Variants in SNRNP200 observed in about 807,000 individuals in gnomAD.
SNRNP200 encodes the protein U5 small nuclear ribonucleoprotein 200 kDa helicase.
In SNRNP200, 66 loss-of-function variants were observed where a neutral mutation model predicts 255.2. The ratio of observed to expected loss-of-function variants is 0.26; its 90% CI spans 0.21 to 0.32. SNRNP200 has a LOEUF of 0.32. Among genes scored for constraint, SNRNP200 ranks in the 10% least tolerant of loss-of-function variants. The pLI is 1.00. For synonymous variants in SNRNP200, 939 were observed against 1,027.8 expected, an observed-to-expected ratio of 0.91 and a Z score of 1.65; for missense variants, 1,585 against 2,749.8, an observed-to-expected ratio of 0.58 and a Z score of 9.47.
chr2:96,288,949 T>C (rs190640435), intron 23 of SNRNP200, 88 bp downstream of exon 23: 12 of 1,312,388 alleles, frequency 9.1e-6, no homozygotes, highest in Admixed American at 2.0e-5. Context: ...AAACCACACA[T>C]GAACCCAAAT....
Position 96,301,675 on chromosome 2 carries a change from A to G in SNRNP200, c.423T>C (p.Ala141=), listed in dbSNP as rs140702204. ...ILCGAADEVL[A]VLKNEKLRDK... Reference sequence around the variant, plus strand: ...CCCGCAGCTTTTCATTCTTTAGAACAGCTAGAACTTCATCAGCTGCCCCAC... The same window carrying G: ...CCCGCAGCTTTTCATTCTTTAGAACGGCTAGAACTTCATCAGCTGCCCCAC... Residue 141 remains alanine (A), a synonymous_variant, in exon 4 of 45, where the codon GCT becomes GCC. Coordinates refer to ENST00000323853, the MANE Select transcript of SNRNP200 (RefSeq NM_014014.5). 161 of 1,614,082 alleles carry G rather than the reference A, an allele frequency of 1.0e-4. 1 individual carries two copies. Among genetic ancestry groups the G allele is most frequent in the Non-Finnish European group, 8.1e-5 (96 of 1,180,050 alleles).
Position 96,295,612 on chromosome 2 carries a change from T to C in SNRNP200, c.1718A>G (p.His573Arg). ...GITVAELTGDHQLCKEEISAT... is the reference protein window; with the variant it reads ...GITVAELTGDRQLCKEEISAT... ...ACTGATCTCTTCTTTGCACAGCTGG[T>C]GGTCCCCAGTCAGTTCAGCAACAGT... The change falls in exon 14 of 45, where the codon CAC becomes CGC. Residue 573 changes from histidine to arginine, a missense_variant. Physicochemically the swap from His to Arg is conservative, Grantham distance 29 (BLOSUM62 0). Around this residue, in one of 9 missense-constraint regions of SNRNP200, gnomAD observed 56 missense variants for 77.4 expected, o/e 0.72. Coordinates refer to ENST00000323853, the MANE Select transcript of SNRNP200 (RefSeq NM_014014.5). The C allele has an allele frequency of 1.2e-6, 2 of 1,614,036 alleles. No homozygotes were observed. The highest frequency in any genetic ancestry group is 1.7e-6 in the Non-Finnish European group (2 of 1,180,010).
chr2:96,275,211 C>T lies in SNRNP200; in HGVS notation c.6267+46G>A, dbSNP rs141546433. The T allele has an allele frequency of 1.4e-5, 23 of 1,614,118 alleles. No homozygotes were observed. In the East Asian group the frequency reaches 4.9e-4, roughly 34 times the overall value. ...CATGGACACAGGAAGCATTCTCACCCTTCCCCCATGCCAGAACAAATGCTA... is the reference window on the plus strand; with the variant it reads ...CATGGACACAGGAAGCATTCTCACCTTTCCCCCATGCCAGAACAAATGCTA... On this transcript the variant is annotated intron_variant, in intron 44 of 44. Transcript: ENST00000323853.
chr2:96,297,878 T>A (rs2063928648), intron 9 of SNRNP200, among the ~76,000 whole-genome samples, 158 bp from the exon 10 acceptor site: 1 of 152,204 alleles, frequency 6.6e-6, no homozygotes, highest in South Asian at 2.1e-4. Context: ...ACCAGAATGA[T>A]CAAAGCAAAC....
intron 6 of SNRNP200, 103 bp downstream of exon 6, chr2:96,299,226 G>T: frequency 8.9e-7 from 1 of 1,128,782 alleles, no homozygotes; most frequent in Non-Finnish European, 1.3e-6. Flanking sequence ...GTTCACTCCA[G>T]CAAAAAGTGG....
intron 31 of SNRNP200, 176 bp downstream of exon 31, chr2:96,284,182 T>C (rs2063826366): frequency 2.4e-6 from 2 of 848,604 alleles, no homozygotes; most frequent in African/African-American, 3.4e-5. Flanking sequence ...TAAACAATAC[T>C]GTTTTCCTAA....
At chr2:96,279,091 G>A in intron 36 of SNRNP200, 93 bp from the exon 37 acceptor site, 1 of 1,028,348 alleles carries the variant, frequency 9.7e-7, no homozygotes, top group Non-Finnish European at 1.5e-6. Context: ...TGGTCCCTGT[G>A]TGAGACCTAA....
intron 15 of SNRNP200, 45 bp from the exon 16 acceptor site, chr2:96,293,140 C>A: frequency 1.2e-6 from 2 of 1,613,450 alleles, no homozygotes; most frequent in Non-Finnish European, 1.7e-6. Flanking sequence ...GCAGAAAATA[C>A]TGTGGGAATA....
In SNRNP200 at chr2:96,291,628, A is replaced by G. The variant is rs994648134; in HGVS notation, c.2310+123T>C. The G allele has an allele frequency of 7.7e-7, 1 of 1,303,936 alleles. No homozygotes were observed. The highest frequency in any genetic ancestry group is 1.1e-6 in the Non-Finnish European group (1 of 902,500). 80.8% of individuals were successfully genotyped at this position (1,303,936 alleles called of 1,614,324 possible). A position where few individuals can be genotyped will look rare whatever the true frequency, so the allele number is the denominator to read the frequency against. On this transcript the variant is annotated intron_variant, in intron 17 of 44. Coordinates refer to ENST00000323853, the MANE Select transcript of SNRNP200 (RefSeq NM_014014.5). The surrounding 1 kb of genome is among the most constrained non-coding windows in gnomAD (Gnocchi z 4.2). Reference sequence around the variant, plus strand: ...GTGGAATAGTAATAATCACATCCAGACAATCAACCTTAACCCATGGGAAAC... The same window carrying G: ...GTGGAATAGTAATAATCACATCCAGGCAATCAACCTTAACCCATGGGAAAC...
intron 3 of SNRNP200, among the ~76,000 whole-genome samples, chr2:96,302,947 C>A (rs183344225): frequency 6.6e-6 from 1 of 152,106 alleles, no homozygotes; most frequent in African/African-American, 2.4e-5. Context: ...TAAACCTAGT[C>A]CTTTTGGGGT....
At position 96,279,446 on chromosome 2, in the gene SNRNP200, C is replaced by A. The variant is rs1189482454; in HGVS notation, c.5133+5G>T. On this transcript the variant is annotated splice_donor_5th_base_variant and intron_variant, in intron 36 of 44. Coordinates refer to ENST00000323853, the MANE Select transcript of SNRNP200 (RefSeq NM_014014.5). ...TCCAAGAGGCTCCATGAGTCTAGGACTGACCTTCTTGGAGCCCTGACACAT... is the reference window on the plus strand; with the variant it reads ...TCCAAGAGGCTCCATGAGTCTAGGAATGACCTTCTTGGAGCCCTGACACAT... The A allele has an allele frequency of 6.2e-7, 1 of 1,602,134 alleles. No individual in the cohort carries two copies. The highest frequency in any genetic ancestry group is 1.3e-5 in the African/African-American group (1 of 74,686).
At chr2:96,282,147 C>A in intron 34 of SNRNP200, 1 of 524,646 alleles carries the variant, frequency 1.9e-6, no homozygotes. Context: ...AACAAGTCAT[C>A]ATAGAACAGA....
chr2:96,281,510 T>A (rs1684760216), intron 35 of SNRNP200: 1 of 381,564 alleles, frequency 2.6e-6, no homozygotes, highest in Non-Finnish European at 5.1e-6. Flanking sequence ...GTGTATGACC[T>A]CGACCAAGTC....
In SNRNP200 at chr2:96,283,015, G is replaced by A. The variant is rs1311901630; in HGVS notation, c.4915+186C>T. 3 of 720,850 alleles carry A rather than the reference G, an allele frequency of 4.2e-6. No individual in the cohort carries two copies. In the African/African-American group the frequency reaches 5.2e-5, roughly 13 times the overall value. The allele number at this position is 720,850 out of a possible 1,614,324, so 44.7% of individuals were successfully genotyped here. A position where few individuals can be genotyped will look rare whatever the true frequency, so the allele number is the denominator to read the frequency against. ...TTTTCTCACCTGGCAAGTAGGGATA[G>A]TGTTTGTCTCACCTGCCTCACGAGG... On this transcript the variant is annotated intron_variant, in intron 34 of 44. Transcript: ENST00000323853. This position sits in a 1 kb window ranked among gnomAD's most constrained non-coding sequence, Gnocchi z 4.7.
chr2:96,289,000 C>T, intron 23 of SNRNP200, 37 bp downstream of exon 23: 1 of 1,550,978 alleles, frequency 6.4e-7, no homozygotes, highest in Non-Finnish European at 8.8e-7. Flanking sequence ...ACCACTTAAT[C>T]CTCATCCTTA....
chr2:96,283,385 T>C lies in SNRNP200; in HGVS notation c.4764-33A>G, dbSNP rs748698736. 8.1e-6 allele frequency: 13 copies of C among 1,613,760 alleles called. 1 individual carries two copies. In the Middle Eastern group the frequency reaches 1.5e-3, roughly 184 times the overall value. On this transcript the variant is annotated intron_variant, in intron 33 of 44. Coordinates refer to ENST00000323853, the MANE Select transcript of SNRNP200 (RefSeq NM_014014.5). The surrounding 1 kb of genome is among the most constrained non-coding windows in gnomAD (Gnocchi z 4.7). ...GTACAGGCACTGGCTCAGCTCAGAG[T>C]AGTTCAATTCCTGGCAGACACTTTG...
chr2:96,286,349 T>C lies in SNRNP200; in HGVS notation c.3965A>G (p.Gln1322Arg). Residue 1322 changes from glutamine to arginine, a missense_variant, in exon 29 of 45, where the codon CAA becomes CGA. Around this residue, in one of 9 missense-constraint regions of SNRNP200, gnomAD observed 719 missense variants for 1,091.1 expected, o/e 0.66. Transcript: ENST00000323853. The surrounding 1 kb of genome is among the most constrained non-coding windows in gnomAD (Gnocchi z 4.8). ...LRNSAFESLY[Q>R]DKFPFFNPIQ... The stretch of plus-strand genomic sequence containing the variant: ...GGGATTGAAGAAAGGAAATTTATCT[T>C]GGTAAAGACTCTCAAAGGCACTGTT... The C allele has an allele frequency of 2.5e-6, 4 of 1,614,100 alleles. No homozygotes were observed. The highest frequency in any genetic ancestry group is 3.4e-6 in the Non-Finnish European group (4 of 1,180,020).
At chr2:96,299,283 C>A in intron 6 of SNRNP200, 46 bp downstream of exon 6, 1 of 1,561,234 alleles carries the variant, frequency 6.4e-7, no homozygotes, top group South Asian at 1.1e-5. Flanking sequence ...AGCACTAACA[C>A]CCAGAAGTAA....
At chr2:96,280,381 C>T (rs578195893) in intron 35 of SNRNP200, among the ~76,000 whole-genome samples, 1 of 152,038 alleles carries the variant, frequency 6.6e-6, no homozygotes, top group South Asian at 2.1e-4. Context: ...GCTGGTAGTC[C>T]CAGCTACTTG....
Sources: gnomAD v4.1 joint callset for allele counts (sites outside exome capture counted in the v4.1 genomes callset) on GRCh38, gnomAD v4.1.1 for gene constraint, gnomAD v4.1.1 regional missense constraint, Gnocchi (gnomAD v3.1) non-coding constraint, MANE v1.5 for transcripts, NCBI Gene and HGNC (gene_info 2026-07-23, HGNC 2026-07-21) for gene names.